TMEM131: variants seen among roughly 807,000 people sequenced by gnomAD.
TMEM131 encodes the protein 2610524E03Rik.
Under a neutral mutation model 211.6 loss-of-function variants are expected in TMEM131, and 66 were observed. That is an observed-to-expected ratio of 0.31 (90% CI 0.26 to 0.38). The LOEUF (loss-of-function observed/expected upper bound fraction) is 0.38. Among genes scored for constraint, TMEM131 ranks in the 10% least tolerant of loss-of-function variants. The pLI is 1.00. For synonymous variants in TMEM131, 844 were observed against 841.3 expected (o/e 1.00, Z -0.06); for missense variants, 2,036 against 2,299.3 (o/e 0.89, Z 2.34).
At chr2:97,839,451 TCAAA>T (rs1298900694) in intron 7 of TMEM131, among the ~76,000 whole-genome samples, 1 of 152,154 alleles carries the variant, frequency 6.6e-6, no homozygotes, top group Non-Finnish European at 1.5e-5. Context: ...AATTACAAAG[TCAAA>T]CAAATAATTA....
At chr2:97,892,517 C>G (rs113513986) in intron 3 of TMEM131, among the ~76,000 whole-genome samples, 1 of 152,136 alleles carries the variant, frequency 6.6e-6, no homozygotes, top group African/African-American at 2.4e-5. Flanking sequence ...CACACCACCA[C>G]AACTAGCTAA....
intron 1 of TMEM131, among the ~76,000 whole-genome samples, chr2:97,969,309 G>C (rs1679195143): frequency 6.6e-6 from 1 of 152,074 alleles, no homozygotes; most frequent in African/African-American, 2.4e-5. Context: ...TGTGTGCTTA[G>C]ACAGACAATT....
At chr2:97,849,806 T>G (rs1055462741) in intron 5 of TMEM131, among the ~76,000 whole-genome samples, 2 of 150,600 alleles carry the variant, frequency 1.3e-5, no homozygotes, top group Admixed American at 6.6e-5. Context: ...GGACCTTTTT[T>G]CATAAGGGTC....
At position 97,820,585 on chromosome 2, in the gene TMEM131, A is replaced by G. The variant is rs569024536; in HGVS notation, c.1075-1864T>C. On this transcript the variant is annotated intron_variant, in intron 11 of 40. Coordinates refer to ENST00000186436, the MANE Select transcript of TMEM131 (RefSeq NM_015348.2). The stretch of plus-strand genomic sequence containing the variant: ...CCTGTAAAAAAAATCCTGGCTGGGC[A>G]TGGTGACTCATGCCTGTAGTCCTAG... Among the ~76,000 whole-genome samples the G allele has an allele frequency of 2.0e-5, 3 of 152,264 alleles. No individual in the cohort carries two copies. The East Asian group carries it at 5.8e-4, about 29-fold the overall frequency.
chr2:97,965,671 G>A (rs943433654), intron 1 of TMEM131, among the ~76,000 whole-genome samples: 1 of 88,556 alleles, frequency 1.1e-5, no homozygotes, highest in African/African-American at 3.6e-5. Flanking sequence ...CTCACAAACA[G>A]CACAGATTAC....
At chr2:97,766,290 G>A (rs1293633886) in intron 34 of TMEM131, 27 bp from the exon 35 acceptor site, 1 of 1,613,348 alleles carries the variant, frequency 6.2e-7, no homozygotes, top group Non-Finnish European at 8.5e-7. Flanking sequence ...AAAGAACATG[G>A]TTAATGGAGA....
At chr2:97,777,925 G>C (rs1244164444) in intron 31 of TMEM131, among the ~76,000 whole-genome samples, 1 of 152,216 alleles carries the variant, frequency 6.6e-6, no homozygotes, top group Non-Finnish European at 1.5e-5. Flanking sequence ...ATGGTAGACA[G>C]GAAGGGGAGT....
At chr2:97,843,162 T>A (rs927938092) in intron 6 of TMEM131, among the ~76,000 whole-genome samples, 2 of 151,852 alleles carry the variant, frequency 1.3e-5, no homozygotes, top group East Asian at 1.9e-4. Flanking sequence ...AAGATTATGG[T>A]CTTTATACTT....
At chr2:97,883,743 ACCCATAAAT>A (rs1430564715) in intron 4 of TMEM131, among the ~76,000 whole-genome samples, 15 of 152,148 alleles carry the variant, frequency 9.9e-5, no homozygotes, top group Non-Finnish European at 5.9e-5. Context: ...AATATAATAT[ACCCATAAAT>A]TTTGATGTTC....
intron 1 of TMEM131, among the ~76,000 whole-genome samples, chr2:97,976,394 T>A (rs960773490): frequency 6.6e-6 from 1 of 152,090 alleles, no homozygotes; most frequent in Non-Finnish European, 1.5e-5. Flanking sequence ...AACCAGAAAT[T>A]GAGATTTTAA....
chr2:97,886,822 T>C (rs1675181193), intron 4 of TMEM131, among the ~76,000 whole-genome samples: 1 of 152,170 alleles, frequency 6.6e-6, no homozygotes, highest in Admixed American at 6.5e-5. Flanking sequence ...GGCCTAGCTA[T>C]CTGTGAAACT....
intron 11 of TMEM131, among the ~76,000 whole-genome samples, chr2:97,820,592 C>T (rs1409892104): frequency 1.3e-5 from 2 of 152,106 alleles, no homozygotes; most frequent in Non-Finnish European, 2.9e-5. Context: ...GGCATGGTGA[C>T]TCATGCCTGT....
At chr2:97,950,131 T>TA (rs1330106322) in intron 1 of TMEM131, among the ~76,000 whole-genome samples, 1 of 152,070 alleles carries the variant, frequency 6.6e-6, no homozygotes, top group African/African-American at 2.4e-5. Context: ...AGACAAAAAA[T>TA]AAAAATACAT....
chr2:97,843,826 C>T (rs1355347657), intron 6 of TMEM131, among the ~76,000 whole-genome samples: 2 of 152,018 alleles, frequency 1.3e-5, no homozygotes, highest in Non-Finnish European at 2.9e-5. Flanking sequence ...AATCTTGACA[C>T]TATTATCAAG....
At position 97,756,983 on chromosome 2, in the gene TMEM131, AAAG is replaced by A. The variant is rs1030576257; in HGVS notation, c.*113_*115del. On this transcript the variant is annotated 3_prime_UTR_variant, in exon 41 of 41. Transcript: ENST00000186436. ...CCTGCCCTGCTTGGGTCTGTTTTGCAAAGAAGAGGAGGGTGGGGAGGGGAGCTG... is the reference window on the plus strand; with the variant it reads ...CCTGCCCTGCTTGGGTCTGTTTTGCAAAGAGGAGGGTGGGGAGGGGAGCTG... 15 of 1,319,962 alleles carry A rather than the reference AAAG, an allele frequency of 1.1e-5. No homozygotes were observed. Among genetic ancestry groups the A allele is most frequent in the Non-Finnish European group, 1.4e-5 (14 of 991,758 alleles). The allele number at this position is 1,319,962 out of a possible 1,614,324, so 81.8% of individuals were successfully genotyped here. A position where few individuals can be genotyped will look rare whatever the true frequency, so the allele number is the denominator to read the frequency against.
intron 31 of TMEM131, among the ~76,000 whole-genome samples, chr2:97,784,413 C>G (rs1055777438): frequency 2.6e-5 from 4 of 152,008 alleles, no homozygotes; most frequent in Non-Finnish European, 5.9e-5. Context: ...ATTCTCCCAA[C>G]TAAAGTGGAT....
Position 97,862,857 on chromosome 2 carries a change from A to G in TMEM131, c.360-3430T>C, listed in dbSNP as rs75572859. 9.1e-3 allele frequency among the ~76,000 whole-genome samples: 1,382 copies of G among 152,316 alleles called. 10 individuals carry two copies. The highest frequency in any genetic ancestry group is 0.013 in the Non-Finnish European group (909 of 68,030). Reference sequence around the variant, plus strand: ...AACAGAACACTTCCCAAATCTGGAGAAAGATATTAATATTGAACTACAAGA... The same window carrying G: ...AACAGAACACTTCCCAAATCTGGAGGAAGATATTAATATTGAACTACAAGA... On this transcript the variant is annotated intron_variant, in intron 4 of 40. Coordinates refer to ENST00000186436, the MANE Select transcript of TMEM131 (RefSeq NM_015348.2).
chr2:97,802,465 A>C lies in TMEM131; in HGVS notation c.2614T>G (p.Ser872Ala). 6.2e-7 allele frequency: 1 copy of C among 1,612,178 alleles called. No individual in the cohort carries two copies. ...YVQFIPLALY[S>A]NPSVFVDKLV... ...TTATCTACAAACACTGAAGGGTTGG[A>C]ATATAAAGCCAGAGGAATAAACTGA... The change falls in exon 24 of 41, where the codon TCC (serine) becomes GCC (alanine). Residue 872 changes from serine (S) to alanine (A), a missense_variant. Ser to Ala is a moderately conservative substitution (Grantham distance 99, BLOSUM62 1). Coordinates refer to ENST00000186436, the MANE Select transcript of TMEM131 (RefSeq NM_015348.2).
chr2:97,778,810 A>C (rs1559353572), intron 31 of TMEM131, among the ~76,000 whole-genome samples: 1 of 152,066 alleles, frequency 6.6e-6, no homozygotes, highest in Non-Finnish European at 1.5e-5. Context: ...CCTTCTTCTG[A>C]CAACTTCTTT....
Sources: allele counts gnomAD v4.1 joint callset (sites outside exome capture counted in the v4.1 genomes callset), GRCh38; gene constraint gnomAD v4.1.1; transcripts MANE v1.5; gene names NCBI Gene and HGNC (gene_info 2026-07-23, HGNC 2026-07-21).